The following GRAP2 variants were observed in gnomAD, a reference collection of about 807,000 sequenced individuals.
The protein encoded by GRAP2 is GRB2 related adaptor protein 2.
GRAP2 carries 31 observed loss-of-function variants against 43.5 expected under a neutral mutation model. That is an observed-to-expected ratio of 0.71 (90% CI 0.54 to 0.96). The LOEUF is 0.96. Ranked by LOEUF, GRAP2 falls within the 40% of genes least tolerant of loss-of-function variation. The pLI is 0.00. For missense variants in GRAP2, 371 were observed against 424.4 expected (o/e 0.87, Z 1.11); for synonymous variants, 156 against 164.8 (o/e 0.95, Z 0.41).
intron 1 of GRAP2, among the ~76,000 whole-genome samples, chr22:39,918,142 T>C (rs1166795082): frequency 1.3e-5 from 2 of 152,178 alleles, no homozygotes; most frequent in Non-Finnish European, 2.9e-5. Context: ...GTACTATAAC[T>C]CACGGGTTTT....
At chr22:39,918,431 C>A (rs1442079500) in intron 1 of GRAP2, among the ~76,000 whole-genome samples, 1 of 152,230 alleles carries the variant, frequency 6.6e-6, no homozygotes, top group African/African-American at 2.4e-5. Context: ...GCTTGCCTGA[C>A]TCTGCCATTC....
intron 1 of GRAP2, among the ~76,000 whole-genome samples, chr22:39,943,970 C>T (rs1041315036): frequency 6.6e-6 from 1 of 152,040 alleles, no homozygotes; most frequent in African/African-American, 2.4e-5. Flanking sequence ...CCGCCCGCCT[C>T]CTGGGATTAC....
At chr22:39,963,097 C>G (rs564021430) in intron 4 of GRAP2, among the ~76,000 whole-genome samples, 5 of 152,326 alleles carry the variant, frequency 3.3e-5, no homozygotes, top group African/African-American at 1.2e-4. Context: ...TTACCGTAAT[C>G]CTTATCACGT....
intron 2 of GRAP2, among the ~76,000 whole-genome samples, chr22:39,952,534 A>G (rs542789575): frequency 6.1e-4 from 93 of 152,042 alleles, no homozygotes; most frequent in Admixed American, 2.9e-3. Flanking sequence ...TGGGTTTCCT[A>G]GTTCTTTTGA....
intron 1 of GRAP2, among the ~76,000 whole-genome samples, chr22:39,911,657 T>C (rs1276185211): frequency 1.3e-5 from 2 of 152,034 alleles, no homozygotes; most frequent in African/African-American, 4.8e-5. Flanking sequence ...GCAGGGAACA[T>C]CCAAATTTTT....
At chr22:39,898,697 C>A (rs1248367557), upstream of GRAP2, among the ~76,000 whole-genome samples, 1 of 152,114 alleles carries the variant, frequency 6.6e-6, no homozygotes, top group African/African-American at 2.4e-5. Context: ...CCTGCAATCC[C>A]AGCTACTCGG....
intron 1 of GRAP2, among the ~76,000 whole-genome samples, chr22:39,944,810 A>G (rs997670662): frequency 6.6e-6 from 1 of 152,094 alleles, no homozygotes; most frequent in Non-Finnish European, 1.5e-5. Context: ...TGCCTGGGAT[A>G]TTTTTTCATT....
chr22:39,953,190 T>G (rs1374367905), intron 2 of GRAP2, among the ~76,000 whole-genome samples: 2 of 152,166 alleles, frequency 1.3e-5, no homozygotes, highest in Non-Finnish European at 2.9e-5. Context: ...GCCCCAACCT[T>G]AGCCTCTCTC....
chr22:39,903,649 G>A (rs1462446768), intron 1 of GRAP2, among the ~76,000 whole-genome samples: 2 of 151,790 alleles, frequency 1.3e-5, no homozygotes, highest in Non-Finnish European at 1.5e-5. Flanking sequence ...GGCTAATATT[G>A]TATTTTTAGT....
intron 1 of GRAP2, among the ~76,000 whole-genome samples, chr22:39,935,338 T>C (rs926316171): frequency 2.6e-5 from 4 of 152,204 alleles, no homozygotes; most frequent in Non-Finnish European, 4.4e-5. Context: ...CCATTGTCTA[T>C]CATCTCAATG....
chr22:39,955,670 T>G (rs903377448), intron 2 of GRAP2, 149 bp from the exon 3 acceptor site: 8 of 528,992 alleles, frequency 1.5e-5, no homozygotes, highest in Non-Finnish European at 2.8e-5. Context: ...AGGCCTGGGG[T>G]AAATCCTAGA....
chr22:39,913,076 C>T (rs985455548), intron 1 of GRAP2, among the ~76,000 whole-genome samples: 2 of 151,720 alleles, frequency 1.3e-5, no homozygotes, highest in East Asian at 3.9e-4. Flanking sequence ...GCCTGTAATC[C>T]CAGCTACTCG....
chr22:39,966,578 G>A (rs1569217128), intron 5 of GRAP2, among the ~76,000 whole-genome samples: 2 of 152,178 alleles, frequency 1.3e-5, no homozygotes, highest in Non-Finnish European at 2.9e-5. Context: ...AGTTGGGGGT[G>A]CTACAGACAG....
chr22:39,928,078 G>A (rs934793417), intron 1 of GRAP2, among the ~76,000 whole-genome samples: 4 of 152,056 alleles, frequency 2.6e-5, no homozygotes, highest in Admixed American at 6.6e-5. Context: ...TTCCTCCTTC[G>A]GCTGCTCAGA....
upstream of GRAP2, among the ~76,000 whole-genome samples, chr22:39,899,598 T>C (rs2066480472): frequency 6.6e-6 from 1 of 152,184 alleles, no homozygotes; most frequent in African/African-American, 2.4e-5. Context: ...TTTATCTTTA[T>C]AATGTGGAAA....
intron 4 of GRAP2, among the ~76,000 whole-genome samples, chr22:39,962,416 C>T (rs542057527): frequency 6.6e-6 from 1 of 152,064 alleles, no homozygotes; most frequent in East Asian, 1.9e-4. Flanking sequence ...CAGAGCAAGA[C>T]CCTGTCTCAA....
intron 1 of GRAP2, among the ~76,000 whole-genome samples, chr22:39,905,104 CA>C (rs1365322430): frequency 6.6e-6 from 1 of 152,106 alleles, no homozygotes; most frequent in African/African-American, 2.4e-5. Flanking sequence ...TCTTGTTGTA[CA>C]GGCACTTTTT....
At position 39,966,090 on chromosome 22, in the gene GRAP2, T is replaced by C. The variant is rs778689725; in HGVS notation, c.391T>C (p.Tyr131His). The change falls in exon 5 of 8, where the codon TAC (tyrosine) becomes CAC (histidine). Residue 131 changes from tyrosine (Y) to histidine (H), a missense_variant. Coordinates refer to ENST00000344138, the MANE Select transcript of GRAP2 (RefSeq NM_004810.4). Reference protein sequence around the residue: ...KFPSLNKLVDYYRTNSISRQK... With the variant: ...KFPSLNKLVDHYRTNSISRQK... ...TCCATCCCTAAATAAGCTGGTAGAC[T>C]ACTACAGGACAAATTCCATCTCCAG... The C allele has an allele frequency of 6.2e-6, 10 of 1,613,630 alleles. No individual in the cohort carries two copies. Among genetic ancestry groups the C allele is most frequent in the South Asian group, 3.3e-5 (3 of 91,088 alleles).
At chr22:39,941,895 G>A (rs186770894) in intron 1 of GRAP2, among the ~76,000 whole-genome samples, 154 of 151,594 alleles carry the variant, frequency 1.0e-3, no homozygotes, top group African/African-American at 3.7e-3. Flanking sequence ...TTTGTTAAGT[G>A]CTTGAGGAGT....
Sources: gnomAD v4.1 joint callset for allele counts (sites outside exome capture counted in the v4.1 genomes callset) on GRCh38, gnomAD v4.1.1 for gene constraint, MANE v1.5 for transcripts, NCBI Gene and HGNC (gene_info 2026-07-23, HGNC 2026-07-21) for gene names.